Variants in FBXW10 observed in about 807,000 individuals in gnomAD.
FBXW10 encodes F-box and WD repeat domain containing 10.
In FBXW10, 68 loss-of-function variants were observed where a neutral mutation model predicts 113.1. The ratio of observed to expected loss-of-function variants is 0.60; its 90% CI spans 0.49 to 0.74. FBXW10 has a LOEUF of 0.74. FBXW10 is among the 30% of genes least tolerant of loss of function. The pLI is 0.00. For missense variants in FBXW10, 753 were observed against 1,284.5 expected, an observed-to-expected ratio of 0.59 and a Z score of 6.32; for synonymous variants, 289 against 481.6, an observed-to-expected ratio of 0.60 and a Z score of 5.24.
Position 18,772,733 on chromosome 17 carries a change from C to T in FBXW10, c.2278+50C>T, listed in dbSNP as rs75892641. On this transcript the variant is annotated intron_variant, in intron 12 of 13. Transcript: ENST00000395665. ...TTCAGTGATAACCCACAGAGCAGGTCGGGGTTTGGTGGGGGTGGTGGGAGA... is the reference window on the plus strand; with the variant it reads ...TTCAGTGATAACCCACAGAGCAGGTTGGGGTTTGGTGGGGGTGGTGGGAGA... The T allele has an allele frequency of 4.2e-3, 6,329 of 1,522,992 alleles. 166 individuals carry two copies. In the African/African-American group the frequency reaches 0.066, roughly 16 times the overall value. 94.3% of individuals were successfully genotyped at this position (1,522,992 alleles called of 1,614,324 possible). A position where few individuals can be genotyped will look rare whatever the true frequency, so the allele number is the denominator to read the frequency against.
At chr17:18,764,907 C>G (rs757074249) in intron 8 of FBXW10, 44 bp downstream of exon 8, 1 of 1,613,640 alleles carries the variant, frequency 6.2e-7, no homozygotes, top group Non-Finnish European at 8.5e-7. Context: ...TTTCCCCCGA[C>G]CCACGGGTTA....
intron 13 of FBXW10, among the ~76,000 whole-genome samples, chr17:18,777,669 G>A (rs1282740317): frequency 6.6e-6 from 1 of 150,608 alleles, no homozygotes; most frequent in Non-Finnish European, 1.5e-5. Context: ...TCAGCCTCCC[G>A]AGTAGCTGGG....
chr17:18,772,720 C>T (rs1245853339), intron 12 of FBXW10, 37 bp downstream of exon 12: 1 of 1,583,250 alleles, frequency 6.3e-7, no homozygotes, highest in Non-Finnish European at 8.6e-7. Context: ...CAGTGATAAC[C>T]CACAGAGCAG....
chr17:18,770,006 C>T lies in FBXW10; in HGVS notation c.1927C>T (p.Leu643Phe). Reference sequence around the variant, plus strand: ...TGGCAAGATCCGAATTTACAATTTCCTCAACGGGAACTGTATGAAGGTGTT... The same window carrying T: ...TGGCAAGATCCGAATTTACAATTTCTTCAACGGGAACTGTATGAAGGTGTT... The part of the protein sequence containing the change: ...ADGKIRIYNF[L>F]NGNCMKVLKA... Residue 643 changes from leucine to phenylalanine, a missense_variant, in exon 11 of 14, where the codon CTC becomes TTC. Coordinates refer to ENST00000395665, the MANE Select transcript of FBXW10 (RefSeq NM_001267585.2). 6.2e-7 allele frequency: 1 copy of T among 1,614,186 alleles called. No homozygotes were observed. The highest frequency in any genetic ancestry group is 1.1e-5 in the South Asian group (1 of 91,082).
chr17:18,773,847 G>A (rs1434335180), intron 12 of FBXW10, among the ~76,000 whole-genome samples: 2 of 152,178 alleles, frequency 1.3e-5, no homozygotes, highest in South Asian at 4.1e-4. Context: ...GAGTTTACCC[G>A]AGTGCAAAGT....
At chr17:18,774,730 G>C (rs2035673323) in intron 12 of FBXW10, among the ~76,000 whole-genome samples, 1 of 152,244 alleles carries the variant, frequency 6.6e-6, no homozygotes, top group Non-Finnish European at 1.5e-5. Context: ...AGGAGGTGGA[G>C]GTTGCGGTGA....
chr17:18,747,119 G>T (rs1269859936), intron 1 of FBXW10, among the ~76,000 whole-genome samples: 2 of 151,826 alleles, frequency 1.3e-5, no homozygotes, highest in East Asian at 3.9e-4. Context: ...ATAGAGACGG[G>T]GTTTCACCGT....
At chr17:18,776,869 A>G (rs1207263749) in intron 13 of FBXW10, among the ~76,000 whole-genome samples, 1 of 152,180 alleles carries the variant, frequency 6.6e-6, no homozygotes, top group Non-Finnish European at 1.5e-5. Flanking sequence ...AATATTATAT[A>G]CAGCTAAAAA....
intron 9 of FBXW10, among the ~76,000 whole-genome samples, chr17:18,767,938 C>T (rs2035527765): frequency 6.6e-6 from 1 of 152,202 alleles, no homozygotes; most frequent in South Asian, 2.1e-4. Flanking sequence ...TCCCATTCCT[C>T]CTTAACCCGA....
At chr17:18,745,549 G>A (rs915253063) in intron 1 of FBXW10, among the ~76,000 whole-genome samples, 3 of 152,014 alleles carry the variant, frequency 2.0e-5, no homozygotes, top group African/African-American at 7.3e-5. Flanking sequence ...CCAAGTAGCT[G>A]GGACTACAGG....
intron 13 of FBXW10, among the ~76,000 whole-genome samples, chr17:18,775,791 A>G (rs371467801): frequency 2.6e-3 from 398 of 152,074 alleles, no homozygotes; most frequent in African/African-American, 9.1e-3. Flanking sequence ...GCTTTGGGAG[A>G]CCAAGTTGGG....
chr17:18,768,720 C>T, intron 10 of FBXW10, 44 bp downstream of exon 10: 9 of 1,606,136 alleles, frequency 5.6e-6, no homozygotes, highest in Non-Finnish European at 7.7e-6. Flanking sequence ...GGTGTCCTTC[C>T]CTTCCCCGTC....
rs754128458 is a variant in FBXW10, at chr17:18,769,997, T to C, written c.1918T>C (p.Tyr640His). ...SACADGKIRI[Y>H]NFLNGNCMKV... ...CTGTGCAGATGGCAAGATCCGAATT[T>C]ACAATTTCCTCAACGGGAACTGTAT... Residue 640 changes from tyrosine (Y) to histidine (H), a missense_variant, in exon 11 of 14, where the codon TAC becomes CAC. By Grantham distance (83) the Tyr-to-His change is moderately conservative. Coordinates refer to ENST00000395665, the MANE Select transcript of FBXW10 (RefSeq NM_001267585.2). The C allele has an allele frequency of 4.3e-5, 70 of 1,614,072 alleles. No homozygotes were observed. The Admixed American group carries it at 1.0e-3, about 23-fold the overall frequency.
rs180700641 is a variant in FBXW10 at position 18,747,149 on chromosome 17, A to C, written c.506-792A>C. On this transcript the variant is annotated intron_variant, in intron 1 of 13. Transcript: ENST00000395665. ...CACCGTGTTAGCCCGGATGGTCTCC[A>C]TCTCCTGACCTTGTGATCCGCCTGC... Among the ~76,000 whole-genome samples, 626 of 152,114 alleles carry C rather than the reference A, an allele frequency of 4.1e-3. 2 individuals are homozygous for C. The highest frequency in any genetic ancestry group is 6.7e-3 in the Non-Finnish European group (458 of 67,972).
intron 9 of FBXW10, 41 bp from the exon 10 acceptor site, chr17:18,768,493 G>T (rs371567992): frequency 4.8e-5 from 77 of 1,608,756 alleles, no homozygotes; most frequent in Non-Finnish European, 5.9e-5. Context: ...TCTTGGAGGA[G>T]TCACAGTCTG....
rs764109786 is a variant in FBXW10, at chr17:18,778,746, G to A, written c.2607G>A (p.Arg869=). 6.2e-7 allele frequency: 1 copy of A among 1,613,604 alleles called. No homozygotes were observed. The highest frequency in any genetic ancestry group is 8.5e-7 in the Non-Finnish European group (1 of 1,179,730). ...KGKSIQRAVD[R]LRLSNPPIDV... ...AATCAATCCAACGTGCAGTTGATCGGTTGAGATTGAGCAATCCTCCTATAG... is the reference window on the plus strand; with the variant it reads ...AATCAATCCAACGTGCAGTTGATCGATTGAGATTGAGCAATCCTCCTATAG... The change falls in exon 14 of 14, where the codon CGG becomes CGA. Residue 869 remains arginine, a synonymous_variant. Coordinates refer to ENST00000395665, the MANE Select transcript of FBXW10 (RefSeq NM_001267585.2).
intron 7 of FBXW10, among the ~76,000 whole-genome samples, chr17:18,761,165 A>G (rs2035374394): frequency 6.6e-6 from 1 of 152,108 alleles, no homozygotes; most frequent in Non-Finnish European, 1.5e-5. Context: ...TTCTGTTTTT[A>G]ATCAAAATCC....
In FBXW10 at chr17:18,744,516, G is replaced by A. The variant is rs1269951623; in HGVS notation, c.272G>A (p.Arg91Gln). The A allele has an allele frequency of 7.4e-6, 12 of 1,613,880 alleles. No homozygotes were observed. The highest frequency in any genetic ancestry group is 3.3e-5 in the South Asian group (3 of 91,058). ...QGKDFIYNRS[R>Q]INLSKKEGKV... is the part of the protein sequence containing the mutation. ...AAGGATTTCATCTATAACAGGTCCC[G>A]GATCAACCTCAGCAAGAAAGAGGGG... Residue 91 changes from arginine to glutamine, a missense_variant, in exon 1 of 14, where the codon CGG (arginine) becomes CAG (glutamine). Transcript: ENST00000395665.
In FBXW10 at chr17:18,751,062, C is replaced by A. The variant is rs774324143; in HGVS notation, c.1122+9C>A. 1 of 1,613,726 alleles carries A rather than the reference C, an allele frequency of 6.2e-7. No individual in the cohort carries two copies. Among genetic ancestry groups the A allele is most frequent in the South Asian group, 1.1e-5 (1 of 91,056 alleles). On this transcript the variant is annotated intron_variant, in intron 5 of 13. Transcript: ENST00000395665. ...GGAAGCTGAGAACGAAGGTGGGTTC[C>A]AACAGCATCTGGGGCAAGTAGCTGT...
Sources: allele counts gnomAD v4.1 joint callset (sites outside exome capture counted in the v4.1 genomes callset), GRCh38; gene constraint gnomAD v4.1.1; transcripts MANE v1.5; gene names NCBI Gene and HGNC (gene_info 2026-07-23, HGNC 2026-07-21).